Variants in RNF38 observed in about 807,000 individuals in gnomAD.
RNF38 encodes ring finger protein 38, also known as E3 ubiquitin-protein ligase RNF38.
In RNF38, 15 loss-of-function variants were observed where a neutral mutation model predicts 67.2. The observed-to-expected ratio is 0.22, with a 90% CI of 0.15 to 0.34. The LOEUF (loss-of-function observed/expected upper bound fraction) is 0.34. Ranked by LOEUF, RNF38 falls within the 10% of genes least tolerant of loss-of-function variation. RNF38 has a pLI of 1.00. For synonymous variants in RNF38, 220 were observed against 218.8 expected, an observed-to-expected ratio of 1.01 and a Z score of -0.05; for missense variants, 524 against 639.9, an observed-to-expected ratio of 0.82 and a Z score of 1.95.
chr9:36,339,808 G>C lies in RNF38; in HGVS notation c.1492C>G (p.Arg498Gly). 6.2e-7 allele frequency: 1 copy of C among 1,612,000 alleles called. No homozygotes were observed. Among genetic ancestry groups the C allele is most frequent in the Non-Finnish European group, 8.5e-7 (1 of 1,178,674 alleles). Reference sequence around the variant, plus strand: ...TCAGCTCGGCAAATTGGGCAAGTACGATTTGCCTACAAAACAAAAAGGAAA... The same window carrying C: ...TCAGCTCGGCAAATTGGGCAAGTACCATTTGCCTACAAAACAAAAAGGAAA... ...KCVDKWLKAN[R>G]TCPICRADAS... Residue 498 changes from arginine to glycine, a missense_variant, in exon 12 of 12, where the codon CGT becomes GGT. Arg to Gly is a moderately radical substitution (Grantham distance 125). This residue lies in a region of RNF38 where 63 missense variants were observed against 122.5 expected (regional missense o/e 0.51). Transcript: ENST00000259605.
intron 1 of RNF38, 58 bp from the exon 2 acceptor site, chr9:36,390,674 C>G (rs1837012227): frequency 1.3e-6 from 2 of 1,550,344 alleles, no homozygotes; most frequent in Admixed American, 3.5e-5. Flanking sequence ...TGTGGAGAAT[C>G]ACGCCTATGA....
chr9:36,400,880 C>A (rs1837974436), upstream of RNF38: 1 of 983,744 alleles, frequency 1.0e-6, no homozygotes, highest in Middle Eastern at 5.2e-4. Context: ...GCACTAGGGG[C>A]CCGGCCCGGC....
rs1444698087 is a variant in RNF38, at chr9:36,390,511, T to G, written c.118A>C (p.Asn40His). 6.2e-7 allele frequency: 1 copy of G among 1,614,118 alleles called. No individual in the cohort carries two copies. Among genetic ancestry groups the G allele is most frequent in the Non-Finnish European group, 8.5e-7 (1 of 1,179,984 alleles). The change falls in exon 2 of 12, where the codon AAC (asparagine) becomes CAC (histidine). Residue 40 changes from asparagine to histidine, a missense_variant. By Grantham distance (68) the Asn-to-His change is moderately conservative. Transcript: ENST00000259605. ...SLFPLLPSDQ[N>H]TTVQEDAHFK... Reference sequence around the variant, plus strand: ...TGAGCATCCTCTTGAACGGTAGTGTTCTGATCACTTGGGAGGAGAGGGAAC... The same window carrying G: ...TGAGCATCCTCTTGAACGGTAGTGTGCTGATCACTTGGGAGGAGAGGGAAC...
At chr9:36,474,218 C>A (rs1328918551) in intron 1 of RNF38, among the ~76,000 whole-genome samples, 1 of 148,966 alleles carries the variant, frequency 6.7e-6, no homozygotes. Flanking sequence ...GAGGCTAAGG[C>A]AGGAGAATGG....
At chr9:36,378,169 C>CTTTTTTTTTTTTTTTTTT (rs35057784) in intron 2 of RNF38, among the ~76,000 whole-genome samples, 1 of 114,880 alleles carries the variant, frequency 8.7e-6, no homozygotes, top group Non-Finnish European at 1.7e-5. Context: ...TTAACACTGA[C>CTTTTTTTTTTTTTTTTTT]TTTTTTTTTT....
upstream of RNF38, chr9:36,401,022 G>A (rs1164712148): frequency 6.1e-6 from 6 of 984,504 alleles, no homozygotes; most frequent in South Asian, 4.7e-5. Context: ...CTCGCCGCTA[G>A]GCCGCGACAC....
chr9:36,400,313 G>T, upstream of RNF38: 3 of 1,269,720 alleles, frequency 2.4e-6, no homozygotes, highest in South Asian at 7.9e-5. Context: ...TCTCCTGGGT[G>T]ACATCATTTC....
intron 2 of RNF38, among the ~76,000 whole-genome samples, chr9:36,411,157 C>CAAAAAA: frequency 1.5e-5 from 1 of 67,598 alleles, no homozygotes; most frequent in Non-Finnish European, 3.4e-5. Flanking sequence ...AACTGAACAG[C>CAAAAAA]AAAAAAAAAA....
At chr9:36,368,375 A>G (rs1357577667) in intron 4 of RNF38, among the ~76,000 whole-genome samples, 2 of 152,082 alleles carry the variant, frequency 1.3e-5, no homozygotes, top group Non-Finnish European at 2.9e-5. Context: ...CTCCATCACT[A>G]ACCACCACCC....
At chr9:36,454,795 G>C (rs1364888786) in intron 1 of RNF38, among the ~76,000 whole-genome samples, 1 of 151,862 alleles carries the variant, frequency 6.6e-6, no homozygotes, top group Non-Finnish European at 1.5e-5. Context: ...TGTTGGCCAG[G>C]CTGGTCTTGA....
chr9:36,339,768 T>C lies in RNF38; in HGVS notation c.1532A>G (p.His511Arg), dbSNP rs761452413. The change falls in exon 12 of 12, where the codon CAT becomes CGT. Residue 511 changes from histidine to arginine, a missense_variant. Physicochemically the swap from His to Arg is conservative, Grantham distance 29 (BLOSUM62 0). This residue lies in a region of RNF38 where 63 missense variants were observed against 122.5 expected (regional missense o/e 0.51). Coordinates refer to ENST00000259605, the MANE Select transcript of RNF38 (RefSeq NM_022781.5). ...TTAGGTTGGTCATTCTGAATCCCGA[T>C]GCACTTCTGAAGCATCAGCTCGGCA... ...PICRADASEVHRDSE is the reference protein window; with the variant it reads ...PICRADASEVRRDSE The C allele has an allele frequency of 1.2e-6, 2 of 1,613,408 alleles. No individual in the cohort carries two copies. Among genetic ancestry groups the C allele is most frequent in the Non-Finnish European group, 1.7e-6 (2 of 1,179,576 alleles).
At chr9:36,440,319 G>A (rs866342872) in intron 1 of RNF38, among the ~76,000 whole-genome samples, 5 of 151,986 alleles carry the variant, frequency 3.3e-5, no homozygotes, top group Admixed American at 6.6e-5. Context: ...GGAGATGGGC[G>A]GATCACCTGA....
chr9:36,357,525 TA>T (rs1834219458), intron 5 of RNF38, among the ~76,000 whole-genome samples: 1 of 152,246 alleles, frequency 6.6e-6, no homozygotes, highest in Non-Finnish European at 1.5e-5. Context: ...TTAATTAATG[TA>T]AAAATATATC....
At chr9:36,466,397 T>G (rs577241239) in intron 1 of RNF38, among the ~76,000 whole-genome samples, 1 of 152,218 alleles carries the variant, frequency 6.6e-6, no homozygotes, top group South Asian at 2.1e-4. Flanking sequence ...GTAAATTGTA[T>G]ATGTAAATTT....
chr9:36,448,662 G>A (rs987657815), intron 1 of RNF38, among the ~76,000 whole-genome samples: 1 of 152,028 alleles, frequency 6.6e-6, no homozygotes, highest in Non-Finnish European at 1.5e-5. Flanking sequence ...TTCAGAAATT[G>A]CCTGCCCCAC....
At chr9:36,416,746 T>TA (rs1838483015) in intron 2 of RNF38, among the ~76,000 whole-genome samples, 3 of 117,196 alleles carry the variant, frequency 2.6e-5, no homozygotes, top group Admixed American at 1.7e-4. Context: ...CTCGATATTT[T>TA]TTTTTTTTTT....
intron 2 of RNF38, among the ~76,000 whole-genome samples, chr9:36,423,963 A>G (rs1838703606): frequency 8.0e-5 from 2 of 25,142 alleles, no homozygotes; most frequent in African/African-American, 2.6e-4. Context: ...AAAAAAAAAA[A>G]AAAAAAAAAA....
At chr9:36,487,192 C>A in intron 1 of RNF38, 2 of 672,744 alleles carry the variant, frequency 3.0e-6, no homozygotes, top group Non-Finnish European at 3.7e-6. Context: ...CAAAGCTGAC[C>A]CGGACAACGC....
rs761678250 is a variant in RNF38 at position 36,377,774 on chromosome 9, TTAATAA to T, written c.163-1653_163-1648del. Among the ~76,000 whole-genome samples the T allele has an allele frequency of 1.2e-4, 19 of 152,354 alleles. No individual in the cohort carries two copies. In the East Asian group the frequency reaches 3.7e-3, roughly 29 times the overall value. On this transcript the variant is annotated intron_variant, in intron 2 of 11. Transcript: ENST00000259605. Reference sequence around the variant, plus strand: ...CATATACTTTAAATCTCTAGATTACTTAATAATATCAACACAATACAATATAAATGT... The same window carrying T: ...CATATACTTTAAATCTCTAGATTACTTATCAACACAATACAATATAAATGT...
Sources: gnomAD v4.1 joint callset for allele counts (sites outside exome capture counted in the v4.1 genomes callset) on GRCh38, gnomAD v4.1.1 for gene constraint, gnomAD v4.1.1 regional missense constraint, MANE v1.5 for transcripts, NCBI Gene and HGNC (gene_info 2026-07-23, HGNC 2026-07-21) for gene names.